Variants in WFDC5 observed in about 807,000 individuals in gnomAD.
WFDC5 encodes the protein WAP four-disulfide core domain 5, also known as WAP four-disulfide core domain protein 5.
Under a neutral mutation model 15.7 loss-of-function variants are expected in WFDC5, and 15 were observed. That is an observed-to-expected ratio of 0.96 (90% CI 0.64 to 1.47). The LOEUF is 1.47. WFDC5 is among the 40% of genes most tolerant of loss of function. The pLI is 0.00. For synonymous variants in WFDC5, 109 were observed against 107.7 expected, an observed-to-expected ratio of 1.01 and a Z score of -0.07; for missense variants, 280 against 258.0, an observed-to-expected ratio of 1.09 and a Z score of -0.59.
chr20:45,111,153 G>A (rs969608244), intron 1 of WFDC5, among the ~76,000 whole-genome samples: 2 of 152,156 alleles, frequency 1.3e-5, no homozygotes, highest in Non-Finnish European at 2.9e-5. Flanking sequence ...GCTCTTGCTC[G>A]GGCCGCATCC....
At chr20:45,111,158 G>A (rs113269241) in intron 1 of WFDC5, among the ~76,000 whole-genome samples, 12 of 152,298 alleles carry the variant, frequency 7.9e-5, no homozygotes, top group African/African-American at 2.6e-4. Flanking sequence ...TGCTCGGGCC[G>A]CATCCTTTGC....
Position 45,114,980 on chromosome 20 carries a change from A to G in WFDC5, c.85+19T>C, listed in dbSNP as rs762651386. On this transcript the variant is annotated intron_variant, in intron 1 of 3. Coordinates refer to ENST00000307971, the Ensembl canonical transcript of WFDC5. ...AGAGACAATCTGGTCCCCCCAGCAGAGGGATTTCCCGCACTCACCTCCCTT... is the reference window on the plus strand; with the variant it reads ...AGAGACAATCTGGTCCCCCCAGCAGGGGGATTTCCCGCACTCACCTCCCTT... 2.5e-6 allele frequency: 4 copies of G among 1,612,312 alleles called. No homozygotes were observed. Among genetic ancestry groups the G allele is most frequent in the Non-Finnish European group, 3.4e-6 (4 of 1,179,190 alleles).
At chr20:45,111,513 G>T (rs1293768629) in intron 1 of WFDC5, among the ~76,000 whole-genome samples, 1 of 152,184 alleles carries the variant, frequency 6.6e-6, no homozygotes, top group East Asian at 1.9e-4. Flanking sequence ...GTCAGCAGTG[G>T]CCAGCCTGGT....
upstream of WFDC5, among the ~76,000 whole-genome samples, chr20:45,115,492 G>A (rs1478945630): frequency 6.6e-6 from 1 of 152,188 alleles, no homozygotes; most frequent in African/African-American, 2.4e-5. Context: ...GCTTTGAATA[G>A]CAAAGGAGTG....
intron 1 of WFDC5, 138 bp downstream of exon 1, chr20:45,114,861 A>T: frequency 1.2e-6 from 1 of 833,200 alleles, no homozygotes; most frequent in Non-Finnish European, 1.9e-6. Flanking sequence ...GCATCCACAC[A>T]TACACACACG....
chr20:45,112,026 T>G (rs953621889), intron 1 of WFDC5, among the ~76,000 whole-genome samples: 4 of 152,110 alleles, frequency 2.6e-5, no homozygotes, highest in Non-Finnish European at 5.9e-5. Context: ...GCTGCACACA[T>G]AAGTAGGCAC....
At chr20:45,114,824 C>T (rs1450623983) in intron 1 of WFDC5, among the ~76,000 whole-genome samples, 175 bp downstream of exon 1, 2 of 151,970 alleles carry the variant, frequency 1.3e-5, no homozygotes, top group Non-Finnish European at 2.9e-5. Context: ...CATAAAAACA[C>T]AGGCTTCTGA....
At chr20:45,115,187 G>T, upstream of WFDC5, 1 of 1,072,668 alleles carries the variant, frequency 9.3e-7, no homozygotes, top group Non-Finnish European at 1.3e-6. Flanking sequence ...GGGGTGTGGA[G>T]TGACACCGTG....
rs1981726512 is a variant in WFDC5 at position 45,115,127 on chromosome 20, C to T, written c.-44G>A. The T allele has an allele frequency of 6.3e-7, 1 of 1,582,036 alleles. No individual in the cohort carries two copies. Among genetic ancestry groups the T allele is most frequent in the African/African-American group, 1.4e-5 (1 of 73,944 alleles). On this transcript the variant is annotated 5_prime_UTR_variant, in exon 1 of 4. In the 5' UTR this introduces an upstream ATG that the reference lacks. Transcript: ENST00000307971. ...GGGCCCAGGGCCCCCCAGATTAACACCTGCAGCCTCAGGGAAGCCAGAGAA... is the reference window on the plus strand; with the variant it reads ...GGGCCCAGGGCCCCCCAGATTAACATCTGCAGCCTCAGGGAAGCCAGAGAA...
rs80019777 is a variant in WFDC5 at position 45,114,991 on chromosome 20, G to A, written c.85+8C>T. The A allele has an allele frequency of 1.9e-3, 3,117 of 1,612,912 alleles. 59 individuals are homozygous for A. The African/African-American group carries it at 0.035, about 18-fold the overall frequency. On this transcript the variant is annotated splice_region_variant and intron_variant, in intron 1 of 3. Coordinates refer to ENST00000307971, the Ensembl canonical transcript of WFDC5. Reference sequence around the variant, plus strand: ...GGTCCCCCCAGCAGAGGGATTTCCCGCACTCACCTCCCTTCTTCCTGCCAA... The same window carrying A: ...GGTCCCCCCAGCAGAGGGATTTCCCACACTCACCTCCCTTCTTCCTGCCAA...
intron 3 of WFDC5, 175 bp downstream of exon 3, chr20:45,110,225 C>A: frequency 1.6e-6 from 2 of 1,249,920 alleles, no homozygotes; most frequent in Non-Finnish European, 2.2e-6. Flanking sequence ...CAAGGACTCC[C>A]GGGTCCTCTG....
chr20:45,110,958 A>G (rs1981600663), intron 1 of WFDC5, among the ~76,000 whole-genome samples, 183 bp from the exon 2 acceptor site: 1 of 152,170 alleles, frequency 6.6e-6, no homozygotes, highest in East Asian at 1.9e-4. Flanking sequence ...TGGCTGTGAA[A>G]TGGGAAGCTG....
chr20:45,111,379 G>A (rs1315097688), intron 1 of WFDC5, among the ~76,000 whole-genome samples: 1 of 151,476 alleles, frequency 6.6e-6, no homozygotes. Flanking sequence ...CTGGAGGTGA[G>A]GAGAGTAGAC....
intron 3 of WFDC5, 132 bp downstream of exon 3, chr20:45,110,268 A>G (rs1981573091): frequency 1.4e-6 from 2 of 1,449,654 alleles, no homozygotes; most frequent in Admixed American, 2.1e-5. Context: ...ACCCCTATCC[A>G]GTTTCCTAAT....
exon 4 of WFDC5, chr20:45,109,855 C>G: frequency 9.1e-7 from 1 of 1,094,634 alleles, no homozygotes; most frequent in Non-Finnish European, 1.4e-6. Flanking sequence ...GGATGGGTTG[C>G]AGGGAAGTGT....
chr20:45,114,877 A>ACGCACACACACACGCG, intron 1 of WFDC5, 122 bp downstream of exon 1: 1 of 970,332 alleles, frequency 1.0e-6, no homozygotes, highest in East Asian at 2.6e-5. Flanking sequence ...ACACGCACGC[A>ACGCACACACACACGCG]CGCACACACA....
chr20:45,113,943 G>A (rs941588530), intron 1 of WFDC5, among the ~76,000 whole-genome samples: 3 of 152,128 alleles, frequency 2.0e-5, no homozygotes, highest in Non-Finnish European at 4.4e-5. Context: ...TAGTTGGTAA[G>A]GTGAATCTTT....
chr20:45,114,294 A>C (rs1981697426), intron 1 of WFDC5, among the ~76,000 whole-genome samples: 1 of 152,180 alleles, frequency 6.6e-6, no homozygotes, highest in African/African-American at 2.4e-5. Context: ...GGCCTCACCC[A>C]GATCAGGAGT....
intron 1 of WFDC5, among the ~76,000 whole-genome samples, chr20:45,114,198 C>T (rs1981695111): frequency 6.6e-6 from 1 of 152,218 alleles, no homozygotes; most frequent in South Asian, 2.1e-4. Flanking sequence ...GTCCCCATTA[C>T]TGTCCCCTTT....
Sources: gnomAD v4.1 joint callset for allele counts (sites outside exome capture counted in the v4.1 genomes callset) on GRCh38, gnomAD v4.1.1 for gene constraint, MANE v1.5 for transcripts, NCBI Gene and HGNC (gene_info 2026-07-23, HGNC 2026-07-21) for gene names.